The following CPNE4 variants were observed in gnomAD, a reference collection of about 807,000 sequenced individuals.
CPNE4 encodes copine 4.
A neutral mutation model predicts 67.9 loss-of-function variants in CPNE4; 25 were observed. That is an observed-to-expected ratio of 0.37 (90% CI 0.27 to 0.51). The LOEUF (loss-of-function observed/expected upper bound fraction) is 0.51. Ranked by LOEUF, CPNE4 falls within the 20% of genes least tolerant of loss-of-function variation. The probability of loss-of-function intolerance (pLI) is 0.93; values close to 1 mark genes in which losing one functional copy is unlikely to be tolerated. For synonymous variants in CPNE4, 242 were observed against 244.9 expected (o/e 0.99, Z 0.11); for missense variants, 464 against 690.8 (o/e 0.67, Z 3.68).
upstream of CPNE4, chr3:132,035,042 A>G (rs2074316941): frequency 3.0e-6 from 3 of 985,296 alleles, no homozygotes; most frequent in Admixed American, 6.2e-5. Flanking sequence ...CAACCCGGCA[A>G]GAGACTGGTT....
chr3:131,863,218 A>C (rs1286951804), intron 2 of CPNE4, among the ~76,000 whole-genome samples: 1 of 152,204 alleles, frequency 6.6e-6, no homozygotes, highest in East Asian at 1.9e-4. Flanking sequence ...CTTTGGGTAC[A>C]TACCCAGTAA....
At chr3:131,766,267 GTTGTT>G (rs1426270013) in intron 2 of CPNE4, among the ~76,000 whole-genome samples, 2 of 93,826 alleles carry the variant, frequency 2.1e-5, no homozygotes, top group African/African-American at 3.7e-5. Context: ...AGTTTGTAGG[GTTGTT>G]TTGAAGATTA....
intron 5 of CPNE4, among the ~76,000 whole-genome samples, chr3:131,688,801 C>G (rs1255120021): frequency 6.6e-6 from 1 of 152,044 alleles, no homozygotes; most frequent in Non-Finnish European, 1.5e-5. Flanking sequence ...ATTCAAAATT[C>G]CATAACCATC....
chr3:131,981,170 T>C (rs1032723292), intron 1 of CPNE4, among the ~76,000 whole-genome samples: 1 of 152,116 alleles, frequency 6.6e-6, no homozygotes, highest in Non-Finnish European at 1.5e-5. Flanking sequence ...CTGGTTGGCC[T>C]CCTGTCAGGA....
intron 1 of CPNE4, among the ~76,000 whole-genome samples, chr3:132,018,995 CA>C (rs1200160703): frequency 1.1e-4 from 16 of 152,182 alleles, no homozygotes; most frequent in Admixed American, 1.0e-3. Flanking sequence ...TCTGCTTTAT[CA>C]AGAACTTTTT....
At chr3:131,780,937 C>G (rs2083419487) in intron 2 of CPNE4, among the ~76,000 whole-genome samples, 1 of 152,008 alleles carries the variant, frequency 6.6e-6, no homozygotes, top group African/African-American at 2.4e-5. Context: ...ACCTAGAGCA[C>G]AGCTTGAGGT....
At chr3:131,957,389 A>G (rs1473808674) in intron 1 of CPNE4, among the ~76,000 whole-genome samples, 1 of 152,252 alleles carries the variant, frequency 6.6e-6, no homozygotes, top group Non-Finnish European at 1.5e-5. Context: ...CCAGGTACCC[A>G]GTAAGGAGAT....
intron 7 of CPNE4, among the ~76,000 whole-genome samples, chr3:131,655,653 G>T (rs560827357): frequency 1.3e-5 from 2 of 152,080 alleles, no homozygotes; most frequent in African/African-American, 4.8e-5. Context: ...CCGACGTCGG[G>T]GGGCAGGGGG....
intron 2 of CPNE4, among the ~76,000 whole-genome samples, chr3:131,768,720 T>C (rs1380500348): frequency 1.3e-5 from 2 of 152,122 alleles, no homozygotes; most frequent in African/African-American, 2.4e-5. Context: ...CTTGTTTTTT[T>C]ATCCTCTGCA....
chr3:131,996,215 A>C (rs191316840), intron 1 of CPNE4, among the ~76,000 whole-genome samples: 25 of 152,284 alleles, frequency 1.6e-4, no homozygotes, highest in African/African-American at 5.1e-4. Flanking sequence ...TTGGAGATTT[A>C]ATTATTCATT....
At chr3:131,795,950 T>C (rs1408081846) in intron 2 of CPNE4, among the ~76,000 whole-genome samples, 1 of 152,222 alleles carries the variant, frequency 6.6e-6, no homozygotes, top group Non-Finnish European at 1.5e-5. Context: ...ATGGCCACCA[T>C]GCAGGTTGCA....
At chr3:131,877,837 A>T (rs776019303) in intron 2 of CPNE4, among the ~76,000 whole-genome samples, 1 of 152,232 alleles carries the variant, frequency 6.6e-6, no homozygotes, top group Non-Finnish European at 1.5e-5. Flanking sequence ...ACACAGAGGT[A>T]TGTCACAAAA....
At chr3:132,029,764 T>G (rs1221197416) in intron 1 of CPNE4, among the ~76,000 whole-genome samples, 1 of 152,262 alleles carries the variant, frequency 6.6e-6, no homozygotes, top group Non-Finnish European at 1.5e-5. Context: ...TTAGAAATAC[T>G]GTGTTCTGAG....
chr3:131,598,506 G>A (rs995571410), intron 7 of CPNE4, among the ~76,000 whole-genome samples: 3 of 151,950 alleles, frequency 2.0e-5, no homozygotes, highest in Non-Finnish European at 4.4e-5. Context: ...TTGTCTCGTG[G>A]TGATCCTCAC....
At chr3:131,563,875 G>T (rs1936919727) in intron 11 of CPNE4, among the ~76,000 whole-genome samples, 1 of 152,066 alleles carries the variant, frequency 6.6e-6, no homozygotes, top group Admixed American at 6.6e-5. Context: ...TGGGGATCTT[G>T]TTAAATGCAG....
chr3:131,900,821 AATCGTCACTAAC>A, intron 2 of CPNE4, among the ~76,000 whole-genome samples: 1 of 152,252 alleles, frequency 6.6e-6, no homozygotes, highest in South Asian at 2.1e-4. Context: ...TAACCGCACA[AATCGTCACTAAC>A]AATAATTACC....
chr3:131,967,388 G>C (rs2072380943), intron 1 of CPNE4, among the ~76,000 whole-genome samples: 1 of 152,182 alleles, frequency 6.6e-6, no homozygotes. Context: ...TCAGGCAAGA[G>C]AAAGAAATAA....
intron 1 of CPNE4, among the ~76,000 whole-genome samples, chr3:131,924,634 T>C (rs2070843306): frequency 6.6e-6 from 1 of 152,166 alleles, no homozygotes; most frequent in Non-Finnish European, 1.5e-5. Flanking sequence ...TAGGCTATTC[T>C]AATATGCATC....
At chr3:131,717,921 T>TCTTTCTTTCTTTCTTTCTTTC (rs2081767011) in intron 3 of CPNE4, among the ~76,000 whole-genome samples, 11 of 146,606 alleles carry the variant, frequency 7.5e-5, no homozygotes, top group African/African-American at 2.5e-4. Context: ...TTTCTTTCTT[T>TCTTTCTTTCTTTCTTTCTTTC]CTTTCTTTCT....
Sources: gnomAD v4.1 joint callset for allele counts (sites outside exome capture counted in the v4.1 genomes callset) on GRCh38, gnomAD v4.1.1 for gene constraint, MANE v1.5 for transcripts, NCBI Gene and HGNC (gene_info 2026-07-23, HGNC 2026-07-21) for gene names.